The following VPS53 variants were observed in gnomAD, a reference collection of about 807,000 sequenced individuals.
The protein encoded by VPS53 is VPS53 subunit of GARP complex.
VPS53 carries 70 observed loss-of-function variants against 107.0 expected under a neutral mutation model. That is an observed-to-expected ratio of 0.65 (90% CI 0.54 to 0.80). VPS53 has a LOEUF of 0.80. Ranked by LOEUF, VPS53 falls within the 30% of genes least tolerant of loss-of-function variation. VPS53 has a pLI of 0.00. For synonymous variants in VPS53, 409 were observed against 393.3 expected, an observed-to-expected ratio of 1.04 and a Z score of -0.47; for missense variants, 917 against 1,049.4, an observed-to-expected ratio of 0.87 and a Z score of 1.74.
chr17:520,343 C>G lies in VPS53; in HGVS notation c.2224-413G>C, dbSNP rs1908635048. Among the ~76,000 whole-genome samples the G allele has an allele frequency of 6.6e-6, 1 of 152,138 alleles. No individual in the cohort carries two copies. The highest frequency in any genetic ancestry group is 6.5e-5 in the Admixed American group (1 of 15,276). ...ACCCTGCGTGAGAGGGTCTCCTGTT[C>G]CAGGCATTTCACCAGTACACGGTAC... On this transcript the variant is annotated intron_variant, in intron 20 of 21. Transcript: ENST00000437048. The surrounding 1 kb of genome is among the most constrained non-coding windows in gnomAD (Gnocchi z 4.4).
rs932567474 is a variant in VPS53, at chr17:571,299, AGAAG to A, written c.1314-8558_1314-8555del. ...GAAAGGGAAAGAGAGAAAAAGAAAA[AGAAG>A]GAAGAGAAAAAAGAAAAGGAAAATG... On this transcript the variant is annotated intron_variant, in intron 13 of 21. Transcript: ENST00000437048. Among the ~76,000 whole-genome samples the A allele has an allele frequency of 1.8e-4, 27 of 152,058 alleles. 1 individual carries two copies. The highest frequency in any genetic ancestry group is 3.8e-4 in the Non-Finnish European group (26 of 67,984).
At chr17:627,560 C>T (rs1482243560) in intron 9 of VPS53, among the ~76,000 whole-genome samples, 1 of 152,124 alleles carries the variant, frequency 6.6e-6, no homozygotes, top group Non-Finnish European at 1.5e-5. Context: ...AGCAGATCAC[C>T]TGAGGTCAGT....
intron 7 of VPS53, among the ~76,000 whole-genome samples, chr17:647,798 T>G (rs181013498): frequency 1.3e-5 from 2 of 152,252 alleles, no homozygotes; most frequent in Admixed American, 1.3e-4. Context: ...TAAAAAGATT[T>G]TCATGAAAAT....
intron 4 of VPS53, among the ~76,000 whole-genome samples, chr17:671,594 C>T (rs150764584): frequency 1.5e-3 from 222 of 152,152 alleles, no homozygotes; most frequent in Non-Finnish European, 2.2e-3. Flanking sequence ...TGTTTGGAAT[C>T]GTTTACCCAA....
intron 7 of VPS53, chr17:632,702 C>T (rs1382646981): frequency 1.1e-5 from 5 of 456,272 alleles, no homozygotes; most frequent in Middle Eastern, 3.2e-4. Flanking sequence ...GCGTTCTACT[C>T]GCTATCTCCA....
chr17:707,694 T>G (rs1157646429), intron 2 of VPS53, among the ~76,000 whole-genome samples: 1 of 151,336 alleles, frequency 6.6e-6, no homozygotes, highest in Non-Finnish European at 1.5e-5. Context: ...ACTAAAAAAA[T>G]TTTAAAACTT....
chr17:698,343 G>A (rs1320440508), intron 3 of VPS53, among the ~76,000 whole-genome samples: 3 of 150,704 alleles, frequency 2.0e-5, no homozygotes, highest in Non-Finnish European at 4.4e-5. Context: ...TGAGGCTCAA[G>A]AATTGCTCGA....
rs1446759819 is a variant in VPS53 at position 641,181 on chromosome 17, G to C, written c.609-9553C>G. Among the ~76,000 whole-genome samples the C allele has an allele frequency of 3.9e-5, 6 of 152,122 alleles. No homozygotes were observed. The East Asian group carries it at 1.2e-3, about 29-fold the overall frequency. On this transcript the variant is annotated intron_variant, in intron 7 of 21. Transcript: ENST00000437048. ...TCTACCAATAGCAGTTTGTGAAGTGGCTATCAATGACTCAGATGAAAGCAA... is the reference window on the plus strand; with the variant it reads ...TCTACCAATAGCAGTTTGTGAAGTGCCTATCAATGACTCAGATGAAAGCAA...
At position 628,104 on chromosome 17, in the gene VPS53, A is replaced by G; in HGVS notation, c.815T>C (p.Phe272Ser). 1.9e-6 allele frequency: 3 copies of G among 1,611,090 alleles called. No individual in the cohort carries two copies. Among genetic ancestry groups the G allele is most frequent in the Non-Finnish European group, 2.5e-6 (3 of 1,179,166 alleles). The change falls in exon 9 of 22, where the codon TTT (phenylalanine) becomes TCT (serine). Residue 272 changes from phenylalanine (F) to serine (S), a missense_variant. Transcript: ENST00000437048. Reference protein sequence around the residue: ...KQHLSEYLVLFQENQDVAWLD... With the variant: ...KQHLSEYLVLSQENQDVAWLD... ...AATACTCACATCTTGGTTTTCTTGA[A>G]AAAGTACCAGATACTCTGACAGATG...
In VPS53 at chr17:601,833, T is replaced by C. The variant is rs773146811; in HGVS notation, c.1180A>G (p.Met394Val). 2.5e-6 allele frequency: 4 copies of C among 1,602,412 alleles called. No homozygotes were observed. Among genetic ancestry groups the C allele is most frequent in the Middle Eastern group, 1.7e-4 (1 of 6,044 alleles). The stretch of plus-strand genomic sequence containing the variant: ...CCTTTCTCCGTTGCCAGTTCCTCCA[T>C]CTCTGGTGTTGGCTCATCTTCCAGG... The part of the protein sequence containing the change: ...PFLEDEPTPE[M>V]EELATEKGDL... The change falls in exon 12 of 22, where the codon ATG becomes GTG. Residue 394 changes from methionine (M) to valine (V), a missense_variant. Met to Val is a conservative substitution (Grantham distance 21). Transcript: ENST00000437048.
intron 4 of VPS53, chr17:673,735 C>A (rs1037796128): frequency 1.3e-5 from 2 of 152,234 alleles, no homozygotes; most frequent in Admixed American, 1.3e-4. Flanking sequence ...AGATTTCTTT[C>A]CAAGTTTGTG....
At chr17:702,782 G>A (rs897837702) in intron 2 of VPS53, among the ~76,000 whole-genome samples, 3 of 152,222 alleles carry the variant, frequency 2.0e-5, no homozygotes, top group Non-Finnish European at 4.4e-5. Flanking sequence ...GAGGGGAAAG[G>A]GAAAGGCTGC....
At chr17:610,956 T>C (rs1187884338) in intron 11 of VPS53, among the ~76,000 whole-genome samples, 2 of 149,676 alleles carry the variant, frequency 1.3e-5, no homozygotes, top group Non-Finnish European at 3.0e-5. Context: ...AAAAAAAAAG[T>C]TATAGAATAT....
intron 1 of VPS53, 141 bp downstream of exon 1, chr17:714,482 C>G (rs897948726): frequency 1.4e-6 from 1 of 737,618 alleles, no homozygotes; most frequent in African/African-American, 1.8e-5. Flanking sequence ...GCTTCTCACC[C>G]GCACCACCTC....
intron 4 of VPS53, among the ~76,000 whole-genome samples, chr17:687,972 C>T (rs1375268241): frequency 1.3e-5 from 2 of 152,028 alleles, no homozygotes; most frequent in Non-Finnish European, 2.9e-5. Flanking sequence ...TACACCAATC[C>T]TTAGAGAATT....
chr17:676,661 C>A (rs969911273), intron 4 of VPS53, among the ~76,000 whole-genome samples: 1 of 152,070 alleles, frequency 6.6e-6, no homozygotes, highest in East Asian at 1.9e-4. Context: ...GAAGAACCTG[C>A]CAATTTATAT....
At chr17:607,308 A>G (rs1968631383) in intron 11 of VPS53, among the ~76,000 whole-genome samples, 1 of 152,164 alleles carries the variant, frequency 6.6e-6, no homozygotes. Context: ...GGGCCCATCA[A>G]CTTTGCACTT....
intron 17 of VPS53, among the ~76,000 whole-genome samples, chr17:543,046 C>CT (rs1910826773): frequency 6.6e-6 from 1 of 151,406 alleles, no homozygotes; most frequent in Non-Finnish European, 1.5e-5. Context: ...TGGGAAAAAT[C>CT]TTTTTTATGA....
intron 11 of VPS53, among the ~76,000 whole-genome samples, chr17:614,321 TA>T (rs1396890797): frequency 6.6e-6 from 1 of 152,100 alleles, no homozygotes. Context: ...AAACTGTATT[TA>T]AAAAAATACA....
Sources: gnomAD v4.1 joint callset for allele counts (sites outside exome capture counted in the v4.1 genomes callset) on GRCh38, gnomAD v4.1.1 for gene constraint, Gnocchi (gnomAD v3.1) non-coding constraint, MANE v1.5 for transcripts, NCBI Gene and HGNC (gene_info 2026-07-23, HGNC 2026-07-21) for gene names.